Variants in CNTNAP2 observed in about 807,000 individuals in gnomAD.
CNTNAP2 encodes contactin associated protein 2, also known as contactin-associated protein-like 2.
A neutral mutation model predicts 155.2 loss-of-function variants in CNTNAP2; 98 were observed. The observed-to-expected ratio is 0.63, with a 90% CI of 0.54 to 0.75. The LOEUF (loss-of-function observed/expected upper bound fraction) is 0.75, where lower values mean the gene tolerates loss of function less well. CNTNAP2 is among the 30% of genes least tolerant of loss of function. The pLI is 0.00. For missense variants in CNTNAP2, 1,727 were observed against 1,688.1 expected, an observed-to-expected ratio of 1.02 and a Z score of -0.40; for synonymous variants, 651 against 631.2, an observed-to-expected ratio of 1.03 and a Z score of -0.47.
chr7:146,764,939 A>G (rs1194134237), intron 1 of CNTNAP2, among the ~76,000 whole-genome samples: 2 of 152,156 alleles, frequency 1.3e-5, no homozygotes, highest in Non-Finnish European at 2.9e-5. Flanking sequence ...AAGACTTCCT[A>G]TGGTGTGCCC....
intron 8 of CNTNAP2, among the ~76,000 whole-genome samples, chr7:147,258,289 T>C (rs1286866584): frequency 6.6e-6 from 1 of 152,196 alleles, no homozygotes. Context: ...ACATATAATG[T>C]TTGGTGATCA....
At chr7:147,207,289 G>C (rs1803042258) in intron 8 of CNTNAP2, among the ~76,000 whole-genome samples, 1 of 152,122 alleles carries the variant, frequency 6.6e-6, no homozygotes. Flanking sequence ...CAATTTAAAT[G>C]CCAATACTCT....
chr7:147,833,236 A>G (rs747841084), intron 13 of CNTNAP2, among the ~76,000 whole-genome samples: 13 of 152,046 alleles, frequency 8.6e-5, no homozygotes, highest in Admixed American at 2.0e-4. Flanking sequence ...AAATCTACAG[A>G]GGCATGAAAC....
Position 147,983,587 on chromosome 7 carries a change from A to G in CNTNAP2, c.2383+5598A>G, listed in dbSNP as rs563657976. 3.7e-4 allele frequency among the ~76,000 whole-genome samples: 57 copies of G among 152,356 alleles called. 1 individual carries two copies. Among genetic ancestry groups the G allele is most frequent in the African/African-American group, 1.3e-3 (53 of 41,572 alleles). ...GTCCAAGGGCTACAATTTGGTTTTT[A>G]TATGTTTTAGAAAGACATAAGACAT... On this transcript the variant is annotated intron_variant, in intron 15 of 23. Coordinates refer to ENST00000361727, the MANE Select transcript of CNTNAP2 (RefSeq NM_014141.6).
intron 1 of CNTNAP2, among the ~76,000 whole-genome samples, chr7:146,417,184 C>T (rs189406071): frequency 1.3e-5 from 2 of 152,228 alleles, no homozygotes; most frequent in East Asian, 3.9e-4. Context: ...GTAAAACTGT[C>T]ACTGAACCAA....
chr7:147,948,190 G>C (rs1378787666), intron 14 of CNTNAP2, among the ~76,000 whole-genome samples: 3 of 151,492 alleles, frequency 2.0e-5, no homozygotes, highest in Non-Finnish European at 4.4e-5. Context: ...GGGGAGGGGG[G>C]CATGGTTAAT....
chr7:147,477,370 TA>T (rs1798341391), intron 10 of CNTNAP2, among the ~76,000 whole-genome samples: 1 of 152,204 alleles, frequency 6.6e-6, no homozygotes, highest in African/African-American at 2.4e-5. Flanking sequence ...GCATCTTAAT[TA>T]ATTTACCTCC....
intron 4 of CNTNAP2, among the ~76,000 whole-genome samples, chr7:147,103,661 T>A (rs1442836907): frequency 6.6e-6 from 1 of 152,018 alleles, no homozygotes; most frequent in East Asian, 1.9e-4. Flanking sequence ...TTAGTTTATT[T>A]TTTATAAAAG....
chr7:147,332,903 CT>C (rs1795597886), intron 9 of CNTNAP2, among the ~76,000 whole-genome samples: 1 of 151,996 alleles, frequency 6.6e-6, no homozygotes, highest in South Asian at 2.1e-4. Flanking sequence ...GGGTTGGTTT[CT>C]ATTTATTTAT....
At chr7:146,494,839 C>T (rs1797190692) in intron 1 of CNTNAP2, among the ~76,000 whole-genome samples, 1 of 152,158 alleles carries the variant, frequency 6.6e-6, no homozygotes, top group Non-Finnish European at 1.5e-5. Flanking sequence ...ATTTTCCCTT[C>T]ACAAATAATT....
rs552651017 is a variant in CNTNAP2 at position 148,100,860 on chromosome 7, G to A, written c.2384-17258G>A. 1.2e-3 allele frequency among the ~76,000 whole-genome samples: 176 copies of A among 152,152 alleles called. 1 individual carries two copies. In the South Asian group the frequency reaches 0.013, roughly 11 times the overall value. Reference sequence around the variant, plus strand: ...GTTTATAGCGGCACTATTCACAACAGCAAAGACTTGGAACCAACCTAAATG... The same window carrying A: ...GTTTATAGCGGCACTATTCACAACAACAAAGACTTGGAACCAACCTAAATG... On this transcript the variant is annotated intron_variant, in intron 15 of 23. Coordinates refer to ENST00000361727, the MANE Select transcript of CNTNAP2 (RefSeq NM_014141.6).
intron 4 of CNTNAP2, among the ~76,000 whole-genome samples, chr7:147,100,075 T>C (rs1254377792): frequency 1.3e-5 from 2 of 152,044 alleles, no homozygotes; most frequent in African/African-American, 4.8e-5. Flanking sequence ...ATCTTGTGGG[T>C]AATGAGTGGA....
At chr7:147,535,024 G>T (rs916944386) in intron 11 of CNTNAP2, among the ~76,000 whole-genome samples, 2 of 151,984 alleles carry the variant, frequency 1.3e-5, no homozygotes, top group African/African-American at 4.8e-5. Context: ...GCCTACCCAC[G>T]CCCTACCCCA....
intron 4 of CNTNAP2, among the ~76,000 whole-genome samples, chr7:147,055,045 G>A (rs79519531): frequency 0.064 from 9,712 of 152,080 alleles, 419 homozygotes; most frequent in Middle Eastern, 0.13. Context: ...CAATTAATGG[G>A]GGAATAATCT....
chr7:147,573,957 T>A (rs1800343062), intron 12 of CNTNAP2, among the ~76,000 whole-genome samples: 1 of 152,180 alleles, frequency 6.6e-6, no homozygotes, highest in African/African-American at 2.4e-5. Flanking sequence ...TTCCAGATGT[T>A]CTGAAATTTC....
chr7:146,329,689 T>A (rs1043577681), intron 1 of CNTNAP2, among the ~76,000 whole-genome samples: 3 of 152,172 alleles, frequency 2.0e-5, no homozygotes, highest in African/African-American at 7.2e-5. Flanking sequence ...ATATTTTAAG[T>A]CAGTTCTATT....
chr7:146,688,342 G>A (rs898020195), intron 1 of CNTNAP2, among the ~76,000 whole-genome samples: 3 of 151,938 alleles, frequency 2.0e-5, no homozygotes, highest in South Asian at 2.1e-4. Flanking sequence ...ACTGTTATGC[G>A]CATCCATGTG....
intron 13 of CNTNAP2, among the ~76,000 whole-genome samples, chr7:147,838,096 G>A (rs1346968376): frequency 6.6e-6 from 1 of 152,182 alleles, no homozygotes; most frequent in Non-Finnish European, 1.5e-5. Flanking sequence ...AAGCTGCCAG[G>A]ACTTGGGGCT....
At chr7:147,137,343 A>T (rs1801504959) in intron 8 of CNTNAP2, among the ~76,000 whole-genome samples, 1 of 151,364 alleles carries the variant, frequency 6.6e-6, no homozygotes, top group Non-Finnish European at 1.5e-5. Flanking sequence ...ATTTTATTTC[A>T]TTCCAAATCA....
Sources: gnomAD v4.1 joint callset for allele counts (sites outside exome capture counted in the v4.1 genomes callset) on GRCh38, gnomAD v4.1.1 for gene constraint, MANE v1.5 for transcripts, NCBI Gene and HGNC (gene_info 2026-07-23, HGNC 2026-07-21) for gene names.